Variants in SLC6A20 observed in about 807,000 individuals in gnomAD.
The protein encoded by SLC6A20 is solute carrier family 6 member 20, also known as sodium- and chloride-dependent transporter XTRP3.
Under a neutral mutation model 64.3 loss-of-function variants are expected in SLC6A20, and 73 were observed. The ratio of observed to expected loss-of-function variants is 1.14; its 90% CI spans 0.94 to 1.38. The LOEUF (loss-of-function observed/expected upper bound fraction) is 1.38, where lower values mean the gene tolerates loss of function less well. Ranked by LOEUF, SLC6A20 falls within the 40% of genes most tolerant of loss-of-function variation. The pLI is 0.00. For synonymous variants in SLC6A20, 347 were observed against 329.6 expected, an observed-to-expected ratio of 1.05 and a Z score of -0.57; for missense variants, 725 against 772.8, an observed-to-expected ratio of 0.94 and a Z score of 0.73.
At position 45,780,105 on chromosome 3, in the gene SLC6A20, G is replaced by A. The variant is rs763987272; in HGVS notation, c.263-5C>T. 9 of 1,581,948 alleles carry A rather than the reference G, an allele frequency of 5.7e-6. No homozygotes were observed. The highest frequency in any genetic ancestry group is 1.3e-5 in the African/African-American group (1 of 74,258). The stretch of plus-strand genomic sequence containing the variant: ...AGACCACCACGCTGGCGACCCCTGC[G>A]AGGAAGCAGAGGGCCGCGCTGAGGA... On this transcript the variant is annotated splice_region_variant and splice_polypyrimidine_tract_variant and intron_variant, in intron 2 of 10. Coordinates refer to ENST00000358525, the MANE Select transcript of SLC6A20 (RefSeq NM_020208.4).
At position 45,765,584 on chromosome 3, in the gene SLC6A20, G is replaced by C. The variant is rs375807282; in HGVS notation, c.1256C>G (p.Thr419Arg). The C allele has an allele frequency of 1.9e-6, 3 of 1,614,018 alleles. No homozygotes were observed. Among genetic ancestry groups the C allele is most frequent in the African/African-American group, 2.7e-5 (2 of 74,910 alleles). Residue 419 changes from threonine to arginine, a missense_variant, in exon 8 of 11, where the codon ACA becomes AGA. Transcript: ENST00000358525. The surrounding 1 kb of genome is among the most constrained non-coding windows in gnomAD (Gnocchi z 4.2). ...GNTAAILTPLTDSKIISSHLP... is the reference protein window; with the variant it reads ...GNTAAILTPLRDSKIISSHLP... ...GTGGCTGGAGATGATCTTGCTGTCTGTCAGAGGGGTGAGGATGGCCGCTGT... is the reference window on the plus strand; with the variant it reads ...GTGGCTGGAGATGATCTTGCTGTCTCTCAGAGGGGTGAGGATGGCCGCTGT...
chr3:45,775,409 G>A (rs530109780), intron 4 of SLC6A20, among the ~76,000 whole-genome samples: 24 of 152,246 alleles, frequency 1.6e-4, no homozygotes, highest in African/African-American at 5.3e-4. Flanking sequence ...CCAGTGGCTA[G>A]GGTGTCTCGA....
At chr3:45,782,886 T>A (rs1700120873) in intron 1 of SLC6A20, among the ~76,000 whole-genome samples, 1 of 152,264 alleles carries the variant, frequency 6.6e-6, no homozygotes, top group South Asian at 2.1e-4. Context: ...ATGCCTCCAC[T>A]GTCCCAGCCC....
rs767305154 is a variant in SLC6A20, at chr3:45,759,915, T to C, written c.1571A>G (p.Tyr524Cys). 5 of 1,613,976 alleles carry C rather than the reference T, an allele frequency of 3.1e-6. No homozygotes were observed. The East Asian group carries it at 1.1e-4, about 36-fold the overall frequency. Residue 524 changes from tyrosine (Y) to cysteine (C), a missense_variant, in exon 10 of 11, where the codon TAC becomes TGC. Transcript: ENST00000358525. Reference protein sequence around the residue: ...PLLIVSLFVFYLSDYILTGTL... With the variant: ...PLLIVSLFVFCLSDYILTGTL... The stretch of plus-strand genomic sequence containing the variant: ...CCCCGTGAGGATGTAGTCGCTCAGG[T>C]AGAAGACAAAGAGGCTGACAATCAG...
Position 45,767,671 on chromosome 3 carries a change from T to C in SLC6A20, c.1099-1930A>G, listed in dbSNP as rs528762740. 2.4e-3 allele frequency among the ~76,000 whole-genome samples: 368 copies of C among 152,264 alleles called. 19 individuals carry two copies. In the South Asian group the frequency reaches 0.075, roughly 31 times the overall value. On this transcript the variant is annotated intron_variant, in intron 7 of 10. Transcript: ENST00000358525. ...AATTTTCCAAAACTGATAAGAAACATTGGACCCTTAGATCCAGGAAGCCCA... is the reference window on the plus strand; with the variant it reads ...AATTTTCCAAAACTGATAAGAAACACTGGACCCTTAGATCCAGGAAGCCCA...
rs1195340781 is a variant in SLC6A20 at position 45,756,500 on chromosome 3, G to A, written c.*2478C>T. 2.0e-5 allele frequency: 3 copies of A among 152,200 alleles called. No homozygotes were observed. The highest frequency in any genetic ancestry group is 2.4e-5 in the African/African-American group (1 of 41,428). The allele number at this position is 152,200 out of a possible 1,614,324, so 9.4% of individuals were successfully genotyped here. ...TTTGAAAGTCAAATGTATGATAACT[G>A]GACAATCAGGTGAAGCTGGAAGATG... On this transcript the variant is annotated 3_prime_UTR_variant, in exon 11 of 11. Transcript: ENST00000358525.
At chr3:45,763,139 C>T in intron 8 of SLC6A20, 67 bp from the exon 9 acceptor site, 5 of 1,595,260 alleles carry the variant, frequency 3.1e-6, no homozygotes, top group Non-Finnish European at 4.3e-6. Flanking sequence ...CAGTTCTCTA[C>T]AGGACAGTGG....
intron 1 of SLC6A20, among the ~76,000 whole-genome samples, chr3:45,788,087 A>C (rs1436041582): frequency 1.3e-5 from 2 of 152,080 alleles, no homozygotes; most frequent in Non-Finnish European, 2.9e-5. Flanking sequence ...GCTGGGCCCA[A>C]AGGCATGCAT....
intron 4 of SLC6A20, among the ~76,000 whole-genome samples, chr3:45,775,179 G>A (rs922494785): frequency 4.6e-5 from 7 of 152,126 alleles, no homozygotes; most frequent in Admixed American, 3.3e-4. Context: ...GATCAAGCCC[G>A]ACAGCTCTGG....
chr3:45,786,549 A>T (rs950253425), intron 1 of SLC6A20, among the ~76,000 whole-genome samples: 2 of 152,198 alleles, frequency 1.3e-5, no homozygotes, highest in Admixed American at 1.3e-4. Flanking sequence ...ATTCACGGTG[A>T]TGTAGATTTT....
At chr3:45,777,268 C>T (rs1191325341) in intron 3 of SLC6A20, among the ~76,000 whole-genome samples, 3 of 152,188 alleles carry the variant, frequency 2.0e-5, no homozygotes, top group Non-Finnish European at 4.4e-5. Context: ...CAGGTCTGCA[C>T]ACCCAGACAG....
At chr3:45,760,354 G>A (rs1196178595) in intron 9 of SLC6A20, among the ~76,000 whole-genome samples, 1 of 152,250 alleles carries the variant, frequency 6.6e-6, no homozygotes, top group Non-Finnish European at 1.5e-5. Context: ...ACAGGCAGCA[G>A]GGGATGGACA....
Position 45,757,665 on chromosome 3 carries a change from T to C in SLC6A20, c.*1313A>G. On this transcript the variant is annotated 3_prime_UTR_variant, in exon 11 of 11. Transcript: ENST00000358525. ...TTCTTAGTACAGATCAAAATGGAGTTTCTTATGTCTTCCTTTTCTACACAG... is the reference window on the plus strand; with the variant it reads ...TTCTTAGTACAGATCAAAATGGAGTCTCTTATGTCTTCCTTTTCTACACAG... The C allele has an allele frequency of 6.0e-6, 1 of 165,936 alleles. No homozygotes were observed. The allele number at this position is 165,936 out of a possible 1,614,324, so 10.3% of individuals were successfully genotyped here. A position where few individuals can be genotyped will look rare whatever the true frequency, so the allele number is the denominator to read the frequency against.
rs373657373 is a variant in SLC6A20, at chr3:45,775,806, C to T, written c.537G>A (p.Leu179=). The T allele has an allele frequency of 2.5e-6, 4 of 1,614,158 alleles. No individual in the cohort carries two copies. The highest frequency in any genetic ancestry group is 1.1e-5 in the South Asian group (1 of 91,080). ...EPALCLLLAW[L]VVYLCILRGT... Reference sequence around the variant, plus strand: ...CACGCAGGATGCACAGGTACACCACCAGCCAGGCCAGGAGGAGGCACAGCG... The same window carrying T: ...CACGCAGGATGCACAGGTACACCACTAGCCAGGCCAGGAGGAGGCACAGCG... Residue 179 remains leucine (L), a synonymous_variant, in exon 4 of 11, where the codon CTG becomes CTA. Transcript: ENST00000358525.
intron 1 of SLC6A20, among the ~76,000 whole-genome samples, chr3:45,791,005 C>T (rs1700240880): frequency 6.6e-6 from 1 of 152,206 alleles, no homozygotes; most frequent in Non-Finnish European, 1.5e-5. Flanking sequence ...TTTGACTTCT[C>T]TTTCACAGCT....
In SLC6A20 at chr3:45,782,173, G is replaced by A; in HGVS notation, c.172C>T (p.Leu58Phe). The change falls in exon 2 of 11, where the codon CTC (leucine) becomes TTC (phenylalanine). Residue 58 changes from leucine (L) to phenylalanine (F), a missense_variant. Physicochemically the swap from Leu to Phe is conservative, Grantham distance 22 (BLOSUM62 0). Coordinates refer to ENST00000358525, the MANE Select transcript of SLC6A20 (RefSeq NM_020208.4). ...CCCACAGCCAGTTCCAGGTACAAGA[G>A]CGGCATTCCCTCCACGATAAGCATG... ...IIMLIVEGMP[L>F]LYLELAVGQR... 6.2e-7 allele frequency: 1 copy of A among 1,613,898 alleles called. No individual in the cohort carries two copies. Among genetic ancestry groups the A allele is most frequent in the Non-Finnish European group, 8.5e-7 (1 of 1,179,920 alleles).
At chr3:45,787,822 A>G (rs1175613375) in intron 1 of SLC6A20, among the ~76,000 whole-genome samples, 1 of 152,214 alleles carries the variant, frequency 6.6e-6, no homozygotes, top group Non-Finnish European at 1.5e-5. Flanking sequence ...GACCTGGCAC[A>G]GAGTAGGTGC....
At chr3:45,768,304 G>A (rs1275923681) in intron 7 of SLC6A20, among the ~76,000 whole-genome samples, 1 of 151,864 alleles carries the variant, frequency 6.6e-6, no homozygotes, top group East Asian at 1.9e-4. Flanking sequence ...GGAATAAAGT[G>A]GAATGGGGAA....
rs1023505280 is a variant in SLC6A20 at position 45,796,410 on chromosome 3, C to T, written c.10G>A (p.Ala4Thr). 5.0e-6 allele frequency: 8 copies of T among 1,612,180 alleles called. No homozygotes were observed. Among genetic ancestry groups the T allele is most frequent in the African/African-American group, 1.3e-5 (1 of 74,676 alleles). The change falls in exon 1 of 11, where the codon GCG becomes ACG. Residue 4 changes from alanine to threonine, a missense_variant. Coordinates refer to ENST00000358525, the MANE Select transcript of SLC6A20 (RefSeq NM_020208.4). ...AGCGAGTTGGCCCACAGCGGCCGCG[C>T]TTTCTCCATGGCCCCGGCCTCGGCG... MEKARPLWANSLQF... is the reference protein window; with the variant it reads MEKTRPLWANSLQF...
Sources: gnomAD v4.1 joint callset for allele counts (sites outside exome capture counted in the v4.1 genomes callset) on GRCh38, gnomAD v4.1.1 for gene constraint, Gnocchi (gnomAD v3.1) non-coding constraint, MANE v1.5 for transcripts, NCBI Gene and HGNC (gene_info 2026-07-23, HGNC 2026-07-21) for gene names.